HUS1: variants seen among roughly 807,000 people sequenced by gnomAD.
The protein encoded by HUS1 is checkpoint protein HUS1.
HUS1 carries 31 observed loss-of-function variants against 32.6 expected under a neutral mutation model. The observed-to-expected ratio is 0.95, with a 90% CI of 0.72 to 1.28. HUS1 has a LOEUF of 1.28. Ranked by LOEUF, HUS1 falls within the 50% of genes most tolerant of loss-of-function variation. HUS1 has a pLI of 0.00. For missense variants in HUS1, 340 were observed against 337.7 expected, an observed-to-expected ratio of 1.01 and a Z score of -0.05; for synonymous variants, 123 against 116.6, an observed-to-expected ratio of 1.06 and a Z score of -0.36.
intron 5 of HUS1, chr7:47,971,208 G>A (rs1788593138): frequency 9.6e-6 from 2 of 209,032 alleles, no homozygotes; most frequent in South Asian, 6.7e-5. Flanking sequence ...ATGACTATAA[G>A]GCCTTCAGAA....
intron 6 of HUS1, among the ~76,000 whole-genome samples, chr7:47,968,162 T>C (rs954013577): frequency 2.0e-5 from 3 of 152,088 alleles, no homozygotes; most frequent in African/African-American, 7.2e-5. Context: ...TATAACTCAA[T>C]CTCCCTCTTC....
intron 7 of HUS1, among the ~76,000 whole-genome samples, chr7:47,965,788 G>A (rs1219365613): frequency 6.6e-6 from 1 of 152,310 alleles, no homozygotes; most frequent in East Asian, 1.9e-4. Context: ...GCTGAGAAGA[G>A]CCAAGAGCCA....
intron 5 of HUS1, among the ~76,000 whole-genome samples, chr7:47,974,832 T>C (rs1788667273): frequency 6.6e-6 from 1 of 151,744 alleles, no homozygotes. Context: ...AAACAGAAAA[T>C]AAACAGAAAT....
At chr7:47,965,544 T>C in intron 7 of HUS1, 106 bp from the exon 8 acceptor site, 1 of 727,036 alleles carries the variant, frequency 1.4e-6, no homozygotes, top group Non-Finnish European at 2.4e-6. Flanking sequence ...GTTTTAGGCA[T>C]CTGTCTTCCC....
intron 5 of HUS1, among the ~76,000 whole-genome samples, chr7:47,974,919 G>A (rs1297920811): frequency 1.3e-5 from 2 of 152,122 alleles, no homozygotes; most frequent in African/African-American, 4.8e-5. Flanking sequence ...TTTGTCCCTG[G>A]CTCACTGAAA....
At chr7:47,978,275 AAT>A (rs1788749121) in intron 3 of HUS1, 140 bp downstream of exon 3, 4 of 691,994 alleles carry the variant, frequency 5.8e-6, no homozygotes, top group Non-Finnish European at 9.4e-6. Context: ...TCTAATGCAA[AAT>A]ATAGTTATGG....
Position 47,979,451 on chromosome 7 carries a change from C to T in HUS1, c.52+17G>A, listed in dbSNP as rs200572947. ...CCTTCCGTTCCTCCCTCGCTCCTCT[C>T]CGGCCTCCCTGCTCACGTGTGAAGT... On this transcript the variant is annotated intron_variant, in intron 1 of 7. Coordinates refer to ENST00000258774, the MANE Select transcript of HUS1 (RefSeq NM_004507.4). 4 of 1,613,498 alleles carry T rather than the reference C, an allele frequency of 2.5e-6. No homozygotes were observed. The highest frequency in any genetic ancestry group is 1.7e-5 in the Admixed American group (1 of 60,024).
Sources: gnomAD v4.1 joint callset for allele counts (sites outside exome capture counted in the v4.1 genomes callset) on GRCh38, gnomAD v4.1.1 for gene constraint, MANE v1.5 for transcripts, NCBI Gene and HGNC (gene_info 2026-07-23, HGNC 2026-07-21) for gene names.